The following DLGAP2 variants were observed in gnomAD, a reference collection of about 807,000 sequenced individuals.
DLGAP2 encodes DLG associated protein 2.
DLGAP2 carries 26 observed loss-of-function variants against 100.3 expected under a neutral mutation model. The ratio of observed to expected loss-of-function variants is 0.26; its 90% CI spans 0.19 to 0.36. The LOEUF (loss-of-function observed/expected upper bound fraction) is 0.36. Among genes scored for constraint, DLGAP2 ranks in the 10% least tolerant of loss-of-function variants. DLGAP2 has a pLI of 1.00. For synonymous variants in DLGAP2, 886 were observed against 630.1 expected (o/e 1.41, Z -6.08); for missense variants, 1,858 against 1,453.2 (o/e 1.28, Z -4.53).
chr8:1,570,028 C>T (rs1323551872), intron 6 of DLGAP2, among the ~76,000 whole-genome samples: 1 of 152,224 alleles, frequency 6.6e-6, no homozygotes, highest in African/African-American at 2.4e-5. Context: ...ACGGCCAGGA[C>T]TGGGAGAATT....
At chr8:1,179,679 T>C (rs185235725) in intron 2 of DLGAP2, among the ~76,000 whole-genome samples, 4 of 152,380 alleles carry the variant, frequency 2.6e-5, no homozygotes, top group Admixed American at 2.6e-4. Flanking sequence ...TTTAAACATA[T>C]ATTAAGCGAC....
At chr8:892,385 C>G (rs763555579) in intron 1 of DLGAP2, among the ~76,000 whole-genome samples, 1 of 152,108 alleles carries the variant, frequency 6.6e-6, no homozygotes, top group East Asian at 1.9e-4. Flanking sequence ...GAACGAAATC[C>G]CGACGAGGCT....
chr8:923,048 C>T (rs1452417893), intron 2 of DLGAP2, among the ~76,000 whole-genome samples: 1 of 152,018 alleles, frequency 6.6e-6, no homozygotes, highest in East Asian at 1.9e-4. Context: ...GTTGATTTTG[C>T]TACCATGTTA....
chr8:1,095,296 C>G (rs975524477), intron 2 of DLGAP2, among the ~76,000 whole-genome samples: 1 of 152,184 alleles, frequency 6.6e-6, no homozygotes, highest in African/African-American at 2.4e-5. Flanking sequence ...GGTTTAGCAC[C>G]CAAATCTGCA....
At chr8:1,623,408 C>T (rs34951699) in intron 6 of DLGAP2, among the ~76,000 whole-genome samples, 46,226 of 150,698 alleles carry the variant, frequency 0.31, 6,944 homozygotes, top group East Asian at 0.43. Context: ...GTGTGATGAC[C>T]TGGCACCAGT....
intron 2 of DLGAP2, among the ~76,000 whole-genome samples, chr8:1,199,027 C>T (rs563859793): frequency 1.3e-5 from 2 of 152,296 alleles, no homozygotes; most frequent in African/African-American, 4.8e-5. Flanking sequence ...GCAGAGGTCG[C>T]GTGGTTGAAT....
chr8:1,552,855 C>T (rs182643051), intron 5 of DLGAP2, among the ~76,000 whole-genome samples: 127 of 152,260 alleles, frequency 8.3e-4, no homozygotes, highest in African/African-American at 2.7e-3. Flanking sequence ...TAGGTCAAAA[C>T]GGAGAATAAG....
intron 3 of DLGAP2, among the ~76,000 whole-genome samples, chr8:1,288,814 G>A (rs78784223): frequency 6.6e-6 from 1 of 151,394 alleles, no homozygotes. Context: ...ACTAGTTTCG[G>A]TTCAGTGTGT....
At chr8:1,594,738 TATA>T (rs1248039620) in intron 6 of DLGAP2, among the ~76,000 whole-genome samples, 1 of 152,152 alleles carries the variant, frequency 6.6e-6, no homozygotes, top group Non-Finnish European at 1.5e-5. Context: ...CACACTCTCT[TATA>T]ATGACTAATA....
intron 1 of DLGAP2, among the ~76,000 whole-genome samples, chr8:825,964 G>T (rs369971502): frequency 6.6e-6 from 1 of 151,864 alleles, no homozygotes; most frequent in African/African-American, 2.4e-5. Context: ...ATTTTTATAC[G>T]CATTAACCAG....
intron 2 of DLGAP2, among the ~76,000 whole-genome samples, chr8:1,209,303 C>T (rs1798057903): frequency 6.6e-6 from 1 of 152,126 alleles, no homozygotes; most frequent in Non-Finnish European, 1.5e-5. Flanking sequence ...TAAAAATAGG[C>T]ATGTAGAGCA....
chr8:760,391 T>C (rs1821050892), intron 1 of DLGAP2, among the ~76,000 whole-genome samples: 1 of 152,132 alleles, frequency 6.6e-6, no homozygotes, highest in Non-Finnish European at 1.5e-5. Flanking sequence ...TTTCTGAAAT[T>C]TCTCATGTTT....
At chr8:822,418 C>T (rs1293120652) in intron 1 of DLGAP2, among the ~76,000 whole-genome samples, 1 of 152,152 alleles carries the variant, frequency 6.6e-6, no homozygotes, top group Non-Finnish European at 1.5e-5. Flanking sequence ...CGGACACTGT[C>T]CACAGCTTCA....
At chr8:1,602,250 G>C (rs574181529) in intron 6 of DLGAP2, among the ~76,000 whole-genome samples, 6 of 152,308 alleles carry the variant, frequency 3.9e-5, no homozygotes, top group Admixed American at 1.3e-4. Flanking sequence ...GTAAGATAAT[G>C]TTGTTATTTC....
intron 1 of DLGAP2, among the ~76,000 whole-genome samples, chr8:846,874 T>C (rs189319826): frequency 6.4e-4 from 97 of 152,364 alleles, no homozygotes; most frequent in South Asian, 1.2e-3. Context: ...AGCACATCCA[T>C]GTCTGGCTTG....
chr8:1,097,542 G>T (rs1421577888), intron 2 of DLGAP2, among the ~76,000 whole-genome samples: 22 of 115,870 alleles, frequency 1.9e-4, no homozygotes, highest in African/African-American at 6.6e-4. Flanking sequence ...ACCTCCCTCT[G>T]CTCAGTAGAG....
intron 3 of DLGAP2, among the ~76,000 whole-genome samples, chr8:1,415,950 C>T (rs1796871776): frequency 6.6e-6 from 1 of 152,166 alleles, no homozygotes; most frequent in Non-Finnish European, 1.5e-5. Context: ...GGGGTCATTT[C>T]ATGACTAAAA....
chr8:1,545,162 C>T (rs1801492019), intron 4 of DLGAP2, among the ~76,000 whole-genome samples: 1 of 152,136 alleles, frequency 6.6e-6, no homozygotes, highest in Non-Finnish European at 1.5e-5. Context: ...GGCTTGGAAG[C>T]ATTCCTGCCT....
rs142334450 is a variant in DLGAP2 at position 1,322,412 on chromosome 8, G to A, written c.106+63529G>A. Among the ~76,000 whole-genome samples the A allele has an allele frequency of 4.3e-3, 655 of 152,344 alleles. 1 individual carries two copies. The highest frequency in any genetic ancestry group is 4.6e-3 in the Non-Finnish European group (310 of 68,036). On this transcript the variant is annotated intron_variant, in intron 3 of 14. Coordinates refer to ENST00000637795, the MANE Select transcript of DLGAP2 (RefSeq NM_001346810.2). Reference sequence around the variant, plus strand: ...ATGGAAATGCATGTACCCACCCGGCGTGCTGGATCCTGCTTCTGTGACTTC... The same window carrying A: ...ATGGAAATGCATGTACCCACCCGGCATGCTGGATCCTGCTTCTGTGACTTC...
Sources: gnomAD v4.1 joint callset for allele counts (sites outside exome capture counted in the v4.1 genomes callset) on GRCh38, gnomAD v4.1.1 for gene constraint, MANE v1.5 for transcripts, NCBI Gene and HGNC (gene_info 2026-07-23, HGNC 2026-07-21) for gene names.